The following ZFPM2 variants were observed in gnomAD, a reference collection of about 807,000 sequenced individuals.
ZFPM2 encodes zinc finger protein ZFPM2.
Under a neutral mutation model 98.6 loss-of-function variants are expected in ZFPM2, and 20 were observed. The ratio of observed to expected loss-of-function variants is 0.20; its 90% CI spans 0.14 to 0.29. The LOEUF (loss-of-function observed/expected upper bound fraction) is 0.29. Among genes scored for constraint, ZFPM2 ranks in the 10% least tolerant of loss-of-function variants. The pLI is 1.00. For missense variants in ZFPM2, 1,310 were observed against 1,388.6 expected, an observed-to-expected ratio of 0.94 and a Z score of 0.90; for synonymous variants, 518 against 502.7, an observed-to-expected ratio of 1.03 and a Z score of -0.41.
At chr8:105,579,133 TA>T (rs1261441574) in intron 4 of ZFPM2, among the ~76,000 whole-genome samples, 4 of 152,138 alleles carry the variant, frequency 2.6e-5, no homozygotes, top group Admixed American at 1.3e-4. Context: ...AAAAAATGTT[TA>T]ACGACTATAT....
intron 1 of ZFPM2, among the ~76,000 whole-genome samples, chr8:105,354,617 T>C (rs1393624680): frequency 3.3e-5 from 5 of 152,196 alleles, no homozygotes; most frequent in Admixed American, 6.5e-5. Context: ...TACTCTTCCA[T>C]TCCTTAATTG....
At chr8:105,392,646 A>G (rs1242914218) in intron 1 of ZFPM2, among the ~76,000 whole-genome samples, 1 of 152,188 alleles carries the variant, frequency 6.6e-6, no homozygotes, top group East Asian at 1.9e-4. Flanking sequence ...AAAAAATACC[A>G]ACATTTATGT....
intron 3 of ZFPM2, among the ~76,000 whole-genome samples, chr8:105,505,394 C>T (rs1185630863): frequency 6.6e-6 from 1 of 152,148 alleles, no homozygotes; most frequent in East Asian, 1.9e-4. Context: ...GAGAAACACA[C>T]ACAGCACATA....
intron 3 of ZFPM2, among the ~76,000 whole-genome samples, chr8:105,556,037 C>G (rs976131608): frequency 1.6e-4 from 24 of 152,072 alleles, no homozygotes; most frequent in African/African-American, 4.3e-4. Context: ...CAGATATGTT[C>G]AATTTGGGAT....
At chr8:105,351,074 TGGG>T (rs944248063) in intron 1 of ZFPM2, among the ~76,000 whole-genome samples, 3 of 148,464 alleles carry the variant, frequency 2.0e-5, no homozygotes, top group African/African-American at 7.5e-5. Context: ...TCCCAGCTAC[TGGG>T]GGGGCTGAGG....
chr8:105,466,400 A>G (rs923340228), intron 3 of ZFPM2, among the ~76,000 whole-genome samples: 1 of 152,070 alleles, frequency 6.6e-6, no homozygotes, highest in Non-Finnish European at 1.5e-5. Context: ...TAATTTCTGT[A>G]AGCTACCAGC....
chr8:105,631,469 A>G (rs1396098305), intron 4 of ZFPM2, among the ~76,000 whole-genome samples: 2 of 152,136 alleles, frequency 1.3e-5, no homozygotes, highest in African/African-American at 4.8e-5. Flanking sequence ...TTTGTTATAG[A>G]CTGTTCAGCC....
At chr8:105,515,272 A>T (rs1395854489) in intron 3 of ZFPM2, among the ~76,000 whole-genome samples, 1 of 152,244 alleles carries the variant, frequency 6.6e-6, no homozygotes, top group African/African-American at 2.4e-5. Flanking sequence ...GCTTGTGGTT[A>T]CTGGAAATGC....
chr8:105,484,279 A>G (rs1044066142), intron 3 of ZFPM2, among the ~76,000 whole-genome samples: 2 of 151,258 alleles, frequency 1.3e-5, no homozygotes, highest in East Asian at 3.9e-4. Flanking sequence ...CTCTCCATGT[A>G]TCTTAATAAA....
intron 3 of ZFPM2, among the ~76,000 whole-genome samples, chr8:105,560,198 A>G (rs1191220916): frequency 6.6e-6 from 1 of 151,416 alleles, no homozygotes; most frequent in Non-Finnish European, 1.5e-5. Context: ...GAAAGAAAAT[A>G]TAAGTACTGA....
At chr8:105,419,408 G>A (rs540330586) in intron 2 of ZFPM2, 106 bp downstream of exon 2, 512 of 1,364,962 alleles carry the variant, frequency 3.8e-4, no homozygotes, top group Non-Finnish European at 4.6e-4. Context: ...TAATTCAGCC[G>A]TCTGAAAATA....
chr8:105,342,282 T>C (rs1812444828), intron 1 of ZFPM2, among the ~76,000 whole-genome samples: 1 of 152,042 alleles, frequency 6.6e-6, no homozygotes, highest in Admixed American at 6.6e-5. Flanking sequence ...CTGTGCTGAA[T>C]CATTCATTCA....
intron 2 of ZFPM2, among the ~76,000 whole-genome samples, chr8:105,424,203 A>C (rs181035828): frequency 6.6e-6 from 1 of 152,230 alleles, no homozygotes; most frequent in Non-Finnish European, 1.5e-5. Context: ...ACTTTGAATT[A>C]TCTACAATGA....
intron 1 of ZFPM2, among the ~76,000 whole-genome samples, chr8:105,417,453 G>C (rs966480014): frequency 6.6e-6 from 1 of 151,666 alleles, no homozygotes; most frequent in African/African-American, 2.4e-5. Flanking sequence ...AAATGATATA[G>C]CTCATGTCTT....
At chr8:105,347,639 T>C (rs1812563557) in intron 1 of ZFPM2, among the ~76,000 whole-genome samples, 1 of 152,126 alleles carries the variant, frequency 6.6e-6, no homozygotes, top group Admixed American at 6.5e-5. Context: ...GCATGTGACA[T>C]ACCTTTACTT....
intron 3 of ZFPM2, among the ~76,000 whole-genome samples, chr8:105,553,246 A>C (rs1563716024): frequency 6.6e-6 from 1 of 152,184 alleles, no homozygotes; most frequent in Non-Finnish European, 1.5e-5. Flanking sequence ...TCCTTAAGAT[A>C]GAAAGAATAA....
At chr8:105,370,396 T>G (rs1209350441) in intron 1 of ZFPM2, among the ~76,000 whole-genome samples, 2 of 152,212 alleles carry the variant, frequency 1.3e-5, no homozygotes, top group African/African-American at 4.8e-5. Flanking sequence ...GTAATGAAAT[T>G]TCAGCCTAGA....
At chr8:105,566,441 A>T (rs769672194) in intron 4 of ZFPM2, among the ~76,000 whole-genome samples, 18 of 152,170 alleles carry the variant, frequency 1.2e-4, no homozygotes, top group Non-Finnish European at 1.9e-4. Context: ...AAGAAATTTT[A>T]AAAATCACCT....
At chr8:105,718,324 A>C (rs1811573618) in intron 5 of ZFPM2, among the ~76,000 whole-genome samples, 1 of 151,934 alleles carries the variant, frequency 6.6e-6, no homozygotes, top group South Asian at 2.1e-4. Flanking sequence ...AGTTGATGCC[A>C]GTTTCTTCTG....
Sources: gnomAD v4.1 joint callset for allele counts (sites outside exome capture counted in the v4.1 genomes callset) on GRCh38, gnomAD v4.1.1 for gene constraint, MANE v1.5 for transcripts, NCBI Gene and HGNC (gene_info 2026-07-23, HGNC 2026-07-21) for gene names.